SMIM3: variants seen among roughly 807,000 people sequenced by gnomAD.
SMIM3 encodes NGF-induced differentiation clone 67 protein.
Under a neutral mutation model 2.1 loss-of-function variants are expected in SMIM3, and 4 were observed. That is an observed-to-expected ratio of 1.89 (90% CI 0.93 to 4.31). The LOEUF is 4.31. Ranked by LOEUF, SMIM3 falls within the 30% of genes most tolerant of loss-of-function variation. The probability of loss-of-function intolerance (pLI) is 0.01; values close to 1 mark genes in which losing one functional copy is unlikely to be tolerated. For missense variants in SMIM3, 79 were observed against 77.7 expected (o/e 1.02, Z -0.06); for synonymous variants, 29 against 30.8 (o/e 0.94, Z 0.19).
chr5:150,783,509 C>T (rs1406784145), intron 1 of SMIM3, among the ~76,000 whole-genome samples: 3 of 152,232 alleles, frequency 2.0e-5, no homozygotes, highest in Admixed American at 6.5e-5. Flanking sequence ...CTCTGGCCAC[C>T]GTGGCTGGTG....
Position 150,795,625 on chromosome 5 carries a change from A to G in SMIM3, c.*2A>G, listed in dbSNP as rs766276561. The G allele has an allele frequency of 5.8e-6, 9 of 1,542,430 alleles. No individual in the cohort carries two copies. Among genetic ancestry groups the G allele is most frequent in the Non-Finnish European group, 7.0e-6 (8 of 1,149,740 alleles). ...CCGATCCTTAGTGGGGCTGTTTGAGAGCCTCCCAAGAGGGCCGGGTGAGGG... is the reference window on the plus strand; with the variant it reads ...CCGATCCTTAGTGGGGCTGTTTGAGGGCCTCCCAAGAGGGCCGGGTGAGGG... On this transcript the variant is annotated 3_prime_UTR_variant, in exon 2 of 2. Transcript: ENST00000526627.
intron 1 of SMIM3, among the ~76,000 whole-genome samples, chr5:150,780,666 T>C (rs1436094797): frequency 6.6e-6 from 1 of 152,078 alleles, no homozygotes; most frequent in Non-Finnish European, 1.5e-5. Context: ...CCTGGGCCCT[T>C]GGGGGTGACA....
chr5:150,785,580 CTTTTTTT>C (rs35273478), intron 1 of SMIM3, among the ~76,000 whole-genome samples: 20 of 113,738 alleles, frequency 1.8e-4, no homozygotes, highest in South Asian at 5.5e-4. Flanking sequence ...TATTTCTTTT[CTTTTTTT>C]TTTTTTTTTT....
chr5:150,787,839 G>A (rs1355826294), intron 1 of SMIM3, among the ~76,000 whole-genome samples: 1 of 152,078 alleles, frequency 6.6e-6, no homozygotes, highest in African/African-American at 2.4e-5. Context: ...GAGGAAATAA[G>A]GGAAGTGGTA....
At chr5:150,782,679 C>T (rs150404765) in intron 1 of SMIM3, among the ~76,000 whole-genome samples, 403 of 152,268 alleles carry the variant, frequency 2.6e-3, no homozygotes, top group African/African-American at 9.1e-3. Flanking sequence ...AATCAGAGGA[C>T]ATCATGTTAT....
intron 1 of SMIM3, 92 bp downstream of exon 1, chr5:150,779,064 C>T: frequency 2.2e-6 from 1 of 454,706 alleles, no homozygotes; most frequent in Non-Finnish European, 4.5e-6. Context: ...CCCCTTTCCC[C>T]GGGCTCCCAA....
rs1753397301 is a variant in SMIM3 at position 150,795,632 on chromosome 5, C to T, written c.*9C>T. On this transcript the variant is annotated 3_prime_UTR_variant, in exon 2 of 2. Coordinates refer to ENST00000526627, the MANE Select transcript of SMIM3 (RefSeq NM_032947.5). The stretch of plus-strand genomic sequence containing the variant: ...TTAGTGGGGCTGTTTGAGAGCCTCC[C>T]AAGAGGGCCGGGTGAGGGATGAGGA... 6.5e-7 allele frequency: 1 copy of T among 1,540,044 alleles called. No homozygotes were observed. Among genetic ancestry groups the T allele is most frequent in the African/African-American group, 1.4e-5 (1 of 73,142 alleles).
Position 150,793,459 on chromosome 5 carries a change from G to A in SMIM3, c.-11-1971G>A, listed in dbSNP as rs190640171. On this transcript the variant is annotated intron_variant, in intron 1 of 1. Transcript: ENST00000526627. ...ATAGTCACCAAAATAGTATGGTACT[G>A]GTATAAAAATAGGCACATAGACTAA... is the stretch of plus-strand genomic sequence containing the variant. 3.4e-3 allele frequency among the ~76,000 whole-genome samples: 524 copies of A among 152,212 alleles called. 1 individual carries two copies. The highest frequency in any genetic ancestry group is 0.012 in the African/African-American group (509 of 41,532).
intron 1 of SMIM3, among the ~76,000 whole-genome samples, chr5:150,788,666 G>T (rs946130536): frequency 4.0e-5 from 6 of 150,860 alleles, no homozygotes; most frequent in African/African-American, 1.5e-4. Flanking sequence ...AAAGAAAAAA[G>T]TTTTTTTCCT....
intron 1 of SMIM3, among the ~76,000 whole-genome samples, chr5:150,783,823 A>G (rs2113199799): frequency 6.6e-6 from 1 of 152,116 alleles, no homozygotes; most frequent in East Asian, 1.9e-4. Flanking sequence ...TTTTACTTAA[A>G]AAAACTTTTC....
At position 150,785,083 on chromosome 5, in the gene SMIM3, CTTTTTTT is replaced by C. The variant is rs35401611; in HGVS notation, c.-12+6127_-12+6133del. On this transcript the variant is annotated intron_variant, in intron 1 of 1. Coordinates refer to ENST00000526627, the MANE Select transcript of SMIM3 (RefSeq NM_032947.5). The stretch of plus-strand genomic sequence containing the variant: ...CTGTATTTTTTTTTTCTGAAAATGT[CTTTTTTT>C]TTTTTTTTTTTTTTTGAGATGGAGT... Among the ~76,000 whole-genome samples, 70 of 92,166 alleles carry C rather than the reference CTTTTTTT, an allele frequency of 7.6e-4. No homozygotes were observed. In the Middle Eastern group the frequency reaches 0.037, roughly 49 times the overall value. 60.5% of individuals were successfully genotyped at this position (92,166 alleles called of 152,430 possible).
At chr5:150,779,829 A>AGGGGGGGGGC in intron 1 of SMIM3, among the ~76,000 whole-genome samples, 1 of 111,120 alleles carries the variant, frequency 9.0e-6, no homozygotes, top group Non-Finnish European at 1.9e-5. Context: ...GAAAGGTGTA[A>AGGGGGGGGGC]CCCCCCCCGC....
chr5:150,779,556 G>A (rs1265382591), intron 1 of SMIM3, among the ~76,000 whole-genome samples: 1 of 152,166 alleles, frequency 6.6e-6, no homozygotes, highest in Non-Finnish European at 1.5e-5. Flanking sequence ...CATTTTCTGC[G>A]TGCAGAAAGC....
intron 1 of SMIM3, among the ~76,000 whole-genome samples, chr5:150,783,913 C>T (rs1352475158): frequency 7.1e-6 from 1 of 141,814 alleles, no homozygotes; most frequent in Non-Finnish European, 1.5e-5. Context: ...CTTTGAACTC[C>T]CTTTTTTTTT....
At chr5:150,787,164 A>G (rs1753301549) in intron 1 of SMIM3, among the ~76,000 whole-genome samples, 1 of 152,188 alleles carries the variant, frequency 6.6e-6, no homozygotes, top group Non-Finnish European at 1.5e-5. Flanking sequence ...GGAAAATGAC[A>G]GGCTCTCCTC....
chr5:150,791,145 G>C lies in SMIM3; in HGVS notation c.-11-4285G>C, dbSNP rs118039823. Among the ~76,000 whole-genome samples, 333 of 152,200 alleles carry C rather than the reference G, an allele frequency of 2.2e-3. 3 individuals carry two copies. Among genetic ancestry groups the C allele is most frequent in the East Asian group, 0.021 (109 of 5,176 alleles). On this transcript the variant is annotated intron_variant, in intron 1 of 1. Coordinates refer to ENST00000526627, the MANE Select transcript of SMIM3 (RefSeq NM_032947.5). The stretch of plus-strand genomic sequence containing the variant: ...GTAACCACTATTAACACTTTCTTGA[G>C]AGTACACTCAGAAAGTAATTTTCCT...
At position 150,794,063 on chromosome 5, in the gene SMIM3, G is replaced by GA. The variant is rs202127145; in HGVS notation, c.-11-1361dup. Among the ~76,000 whole-genome samples, 1,431 of 152,196 alleles carry GA rather than the reference G, an allele frequency of 9.4e-3. 11 individuals carry two copies. The highest frequency in any genetic ancestry group is 0.02 in the Middle Eastern group (6 of 294). ...GATGTACAAATGGTCAAAAACATATGAAAAAATGATCAACATCACTAATGA... is the reference window on the plus strand; with the variant it reads ...GATGTACAAATGGTCAAAAACATATGAAAAAAATGATCAACATCACTAATGA... On this transcript the variant is annotated intron_variant, in intron 1 of 1. Coordinates refer to ENST00000526627, the MANE Select transcript of SMIM3 (RefSeq NM_032947.5).
At chr5:150,788,758 T>C (rs1447578360) in intron 1 of SMIM3, among the ~76,000 whole-genome samples, 1 of 152,186 alleles carries the variant, frequency 6.6e-6, no homozygotes, top group African/African-American at 2.4e-5. Flanking sequence ...TTTGGGATTG[T>C]TGACTTTTCC....
At chr5:150,795,184 G>C (rs903558911) in intron 1 of SMIM3, among the ~76,000 whole-genome samples, 1 of 152,204 alleles carries the variant, frequency 6.6e-6, no homozygotes, top group East Asian at 1.9e-4. Context: ...AATAATTATA[G>C]TCCTTGCCTT....
Sources: gnomAD v4.1 joint callset for allele counts (sites outside exome capture counted in the v4.1 genomes callset) on GRCh38, gnomAD v4.1.1 for gene constraint, MANE v1.5 for transcripts, NCBI Gene and HGNC (gene_info 2026-07-23, HGNC 2026-07-21) for gene names.